SLC22A3: variants seen among roughly 807,000 people sequenced by gnomAD.
SLC22A3 encodes the protein solute carrier family 22 member 3.
In SLC22A3, 51 loss-of-function variants were observed where a neutral mutation model predicts 59.1. The observed-to-expected ratio is 0.86, with a 90% CI of 0.69 to 1.09. The LOEUF (loss-of-function observed/expected upper bound fraction) is 1.09. Among genes scored for constraint, SLC22A3 ranks in the 50% least tolerant of loss-of-function variants. The pLI is 0.00. For synonymous variants in SLC22A3, 325 were observed against 292.0 expected, an observed-to-expected ratio of 1.11 and a Z score of -1.15; for missense variants, 711 against 726.3, an observed-to-expected ratio of 0.98 and a Z score of 0.24.
At chr6:160,388,628 T>C (rs1786119966) in intron 1 of SLC22A3, among the ~76,000 whole-genome samples, 1 of 152,258 alleles carries the variant, frequency 6.6e-6, no homozygotes, top group African/African-American at 2.4e-5. Flanking sequence ...TATAAAATGC[T>C]CATAGAAATG....
rs1583526725 is a variant in SLC22A3 at position 160,451,166 on chromosome 6, T to C, written c.*110T>C. 1 of 948,830 alleles carries C rather than the reference T, an allele frequency of 1.1e-6. No homozygotes were observed. The highest frequency in any genetic ancestry group is 1.7e-6 in the Non-Finnish European group (1 of 601,074). 58.8% of individuals were successfully genotyped at this position (948,830 alleles called of 1,614,324 possible). On this transcript the variant is annotated 3_prime_UTR_variant, in exon 11 of 11. Coordinates refer to ENST00000275300, the MANE Select transcript of SLC22A3 (RefSeq NM_021977.4). ...ATTTCAGCTACATCATGCCGCGCTG[T>C]TGTAATACTGTATAAAGACCTCAAT...
chr6:160,363,542 T>C (rs1785097211), intron 1 of SLC22A3, among the ~76,000 whole-genome samples: 1 of 152,162 alleles, frequency 6.6e-6, no homozygotes, highest in African/African-American at 2.4e-5. Context: ...CTCTGAACGC[T>C]GGATGGGGCT....
At chr6:160,428,358 C>T (rs1399579298) in intron 5 of SLC22A3, among the ~76,000 whole-genome samples, 3 of 152,192 alleles carry the variant, frequency 2.0e-5, no homozygotes, top group African/African-American at 7.2e-5. Context: ...TGCAGTGTCT[C>T]AAAGAAAGAG....
At chr6:160,358,553 A>G (rs997290322) in intron 1 of SLC22A3, among the ~76,000 whole-genome samples, 3 of 152,196 alleles carry the variant, frequency 2.0e-5, no homozygotes, top group Non-Finnish European at 4.4e-5. Context: ...AACTAGGGAA[A>G]GGCCCAGGGT....
intron 1 of SLC22A3, among the ~76,000 whole-genome samples, chr6:160,354,620 T>G (rs519118): frequency 0.5 from 75,808 of 151,844 alleles, 19,228 homozygotes; most frequent in African/African-American, 0.59. Flanking sequence ...AGGCAGCATT[T>G]TGAGACTCCA....
At chr6:160,382,705 A>T (rs1412641279) in intron 1 of SLC22A3, among the ~76,000 whole-genome samples, 1 of 152,120 alleles carries the variant, frequency 6.6e-6, no homozygotes, top group Non-Finnish European at 1.5e-5. Context: ...CCCAAAACTG[A>T]CTCTAAATAG....
intron 1 of SLC22A3, among the ~76,000 whole-genome samples, chr6:160,351,622 C>T (rs1422729442): frequency 6.6e-6 from 1 of 152,194 alleles, no homozygotes; most frequent in Non-Finnish European, 1.5e-5. Context: ...AACTGTAGTT[C>T]CATCTTCAGC....
intron 1 of SLC22A3, among the ~76,000 whole-genome samples, chr6:160,391,504 T>C (rs1583469902): frequency 1.3e-5 from 2 of 152,126 alleles, no homozygotes; most frequent in Admixed American, 6.5e-5. Context: ...ATCTTACAGA[T>C]AGGAACACAA....
intron 1 of SLC22A3, among the ~76,000 whole-genome samples, chr6:160,378,096 TG>T (rs1362381259): frequency 6.6e-6 from 1 of 152,356 alleles, no homozygotes; most frequent in African/African-American, 2.4e-5. Context: ...CAAGATTGTT[TG>T]ATTTGTGTTC....
chr6:160,448,580 T>C (rs1480866438), intron 10 of SLC22A3, among the ~76,000 whole-genome samples: 1 of 152,064 alleles, frequency 6.6e-6, no homozygotes, highest in East Asian at 1.9e-4. Context: ...AGATTGAGTT[T>C]TGGAGGGGGG....
chr6:160,371,801 A>G (rs1426503532), intron 1 of SLC22A3, among the ~76,000 whole-genome samples: 1 of 152,166 alleles, frequency 6.6e-6, no homozygotes, highest in Non-Finnish European at 1.5e-5. Flanking sequence ...CAACAGTGTA[A>G]ATGCGTTCCT....
intron 1 of SLC22A3, among the ~76,000 whole-genome samples, chr6:160,384,130 A>G (rs1372996597): frequency 6.6e-6 from 1 of 152,178 alleles, no homozygotes; most frequent in Non-Finnish European, 1.5e-5. Flanking sequence ...GGGTTTTCCC[A>G]TGTTGGCTAG....
chr6:160,355,094 T>C (rs1784784894), intron 1 of SLC22A3, among the ~76,000 whole-genome samples: 1 of 152,230 alleles, frequency 6.6e-6, no homozygotes, highest in African/African-American at 2.4e-5. Flanking sequence ...TGCACAGGAA[T>C]ATGGGATTGC....
chr6:160,351,723 C>T (rs566269907), intron 1 of SLC22A3, among the ~76,000 whole-genome samples: 16 of 152,132 alleles, frequency 1.1e-4, no homozygotes, highest in South Asian at 4.1e-4. Flanking sequence ...ACAAAGTGGG[C>T]GGGATGACCA....
intron 1 of SLC22A3, among the ~76,000 whole-genome samples, chr6:160,389,138 T>G (rs1197694762): frequency 6.6e-6 from 1 of 152,208 alleles, no homozygotes; most frequent in East Asian, 1.9e-4. Context: ...CACGGTCAGA[T>G]GACATGATGA....
intron 1 of SLC22A3, among the ~76,000 whole-genome samples, chr6:160,389,916 G>A (rs377624077): frequency 1.3e-5 from 2 of 152,308 alleles, no homozygotes; most frequent in South Asian, 2.1e-4. Context: ...GAAGTCTAAC[G>A]TGGTTGGCCT....
intron 5 of SLC22A3, among the ~76,000 whole-genome samples, chr6:160,421,988 C>T (rs184571479): frequency 7.2e-5 from 11 of 152,314 alleles, no homozygotes; most frequent in Admixed American, 4.6e-4. Flanking sequence ...TCTCTGTGAA[C>T]GCGCTCCTTC....
At chr6:160,362,831 C>G in intron 1 of SLC22A3, among the ~76,000 whole-genome samples, 1 of 152,230 alleles carries the variant, frequency 6.6e-6, no homozygotes, top group Non-Finnish European at 1.5e-5. Flanking sequence ...GAGCCCCGAG[C>G]TCGAGGTGGT....
At chr6:160,383,115 C>T (rs1785857488) in intron 1 of SLC22A3, among the ~76,000 whole-genome samples, 1 of 152,210 alleles carries the variant, frequency 6.6e-6, no homozygotes, top group South Asian at 2.1e-4. Flanking sequence ...TGAATTAGGG[C>T]TGCACTATGC....
Sources: gnomAD v4.1 joint callset for allele counts (sites outside exome capture counted in the v4.1 genomes callset) on GRCh38, gnomAD v4.1.1 for gene constraint, MANE v1.5 for transcripts, NCBI Gene and HGNC (gene_info 2026-07-23, HGNC 2026-07-21) for gene names.